Variants in NTNG1 observed in about 807,000 individuals in gnomAD.
NTNG1 encodes netrin-G1.
A neutral mutation model predicts 54.0 loss-of-function variants in NTNG1; 16 were observed. That is an observed-to-expected ratio of 0.30 (90% CI 0.20 to 0.45). The LOEUF (loss-of-function observed/expected upper bound fraction) is 0.45. Ranked by LOEUF, NTNG1 falls within the 20% of genes least tolerant of loss-of-function variation. The pLI is 1.00. For synonymous variants in NTNG1, 255 were observed against 263.1 expected (o/e 0.97, Z 0.30); for missense variants, 530 against 678.7 (o/e 0.78, Z 2.43).
At chr1:107,376,785 C>T (rs559749006) in intron 3 of NTNG1, among the ~76,000 whole-genome samples, 1 of 152,232 alleles carries the variant, frequency 6.6e-6, no homozygotes, top group South Asian at 2.1e-4. Context: ...TTCTTGGTCC[C>T]AGCTTCCAGT....
chr1:107,419,623 CAAAA>C (rs11370557), intron 5 of NTNG1, among the ~76,000 whole-genome samples: 2 of 139,338 alleles, frequency 1.4e-5, no homozygotes, highest in Admixed American at 7.2e-5. Flanking sequence ...CTTCCTTCTT[CAAAA>C]AAAAAAAAAA....
intron 2 of NTNG1, among the ~76,000 whole-genome samples, chr1:107,152,052 A>C (rs770199151): frequency 2.0e-5 from 3 of 151,726 alleles, no homozygotes; most frequent in Non-Finnish European, 4.4e-5. Context: ...ATACATACAT[A>C]TATACACATA....
intron 3 of NTNG1, among the ~76,000 whole-genome samples, chr1:107,377,470 C>G (rs1256376948): frequency 3.9e-5 from 6 of 152,200 alleles, no homozygotes; most frequent in African/African-American, 1.4e-4. Flanking sequence ...GCCAGACCTC[C>G]TGGCCCAGGA....
chr1:107,400,636 A>G (rs1672962450), intron 4 of NTNG1, among the ~76,000 whole-genome samples: 1 of 146,544 alleles, frequency 6.8e-6, no homozygotes, highest in Non-Finnish European at 1.5e-5. Flanking sequence ...GTCTTCATCA[A>G]CGTTTGTGGA....
chr1:107,369,358 G>A (rs913024957), intron 3 of NTNG1, among the ~76,000 whole-genome samples: 16 of 152,052 alleles, frequency 1.1e-4, no homozygotes, highest in Non-Finnish European at 1.5e-4. Flanking sequence ...CGTTACATTC[G>A]CACTCACAGT....
chr1:107,334,279 A>G (rs1356953535), intron 3 of NTNG1, among the ~76,000 whole-genome samples: 1 of 152,046 alleles, frequency 6.6e-6, no homozygotes, highest in Non-Finnish European at 1.5e-5. Context: ...GTAAAACTGA[A>G]CATTGTATAT....
At chr1:107,380,969 G>A (rs1460103171) in intron 3 of NTNG1, among the ~76,000 whole-genome samples, 3 of 152,066 alleles carry the variant, frequency 2.0e-5, no homozygotes, top group African/African-American at 7.2e-5. Flanking sequence ...TGAAACATCA[G>A]GTCCCTTTCA....
At chr1:107,239,341 A>G (rs1201049091) in intron 2 of NTNG1, among the ~76,000 whole-genome samples, 1 of 152,226 alleles carries the variant, frequency 6.6e-6, no homozygotes, top group Non-Finnish European at 1.5e-5. Context: ...CAGATCAAAG[A>G]CAAACAGTAG....
intron 2 of NTNG1, among the ~76,000 whole-genome samples, chr1:107,224,597 G>C (rs572687606): frequency 6.6e-6 from 1 of 152,182 alleles, no homozygotes; most frequent in Non-Finnish European, 1.5e-5. Context: ...AGCTTCTTTT[G>C]TGGTCAGACA....
intron 2 of NTNG1, among the ~76,000 whole-genome samples, chr1:107,225,052 T>C (rs1407855542): frequency 6.6e-6 from 1 of 152,194 alleles, no homozygotes; most frequent in Non-Finnish European, 1.5e-5. Context: ...TATTAGTGGT[T>C]ACTACTTCTC....
intron 3 of NTNG1, among the ~76,000 whole-genome samples, chr1:107,333,636 C>CCT (rs5776884): frequency 6.6e-6 from 1 of 151,814 alleles, no homozygotes; most frequent in Non-Finnish European, 1.5e-5. Flanking sequence ...ATGAAAACAT[C>CCT]GTGTGTGTGT....
intron 2 of NTNG1, among the ~76,000 whole-genome samples, chr1:107,305,346 C>T (rs1215877665): frequency 6.6e-6 from 1 of 152,194 alleles, no homozygotes; most frequent in African/African-American, 2.4e-5. Context: ...AATTTACACT[C>T]CCACCAACAG....
chr1:107,343,561 T>G (rs1570723658), intron 3 of NTNG1, among the ~76,000 whole-genome samples: 2 of 152,024 alleles, frequency 1.3e-5, no homozygotes. Context: ...AGTACCTGAT[T>G]TCAGATTGTG....
chr1:107,366,462 G>A (rs1038314062), intron 3 of NTNG1, among the ~76,000 whole-genome samples: 2 of 152,160 alleles, frequency 1.3e-5, no homozygotes, highest in African/African-American at 2.4e-5. Context: ...CTGGAAATTC[G>A]TAGCTAAAAT....
At chr1:107,231,764 T>C (rs149717925) in intron 2 of NTNG1, among the ~76,000 whole-genome samples, 3 of 152,282 alleles carry the variant, frequency 2.0e-5, no homozygotes, top group African/African-American at 7.2e-5. Context: ...GGCCTCTGTC[T>C]ACTTTAGCAT....
chr1:107,181,844 A>G (rs1038993938), intron 2 of NTNG1, among the ~76,000 whole-genome samples: 2 of 152,058 alleles, frequency 1.3e-5, no homozygotes, highest in African/African-American at 4.8e-5. Flanking sequence ...CTGCAGACTG[A>G]TTTACTATAT....
At chr1:107,289,966 A>T (rs1032328641) in intron 2 of NTNG1, among the ~76,000 whole-genome samples, 2 of 152,220 alleles carry the variant, frequency 1.3e-5, no homozygotes, top group African/African-American at 2.4e-5. Context: ...ATTTTCAAAT[A>T]TGTTTCCACT....
intron 1 of NTNG1, among the ~76,000 whole-genome samples, chr1:107,145,299 T>C (rs930122551): frequency 1.3e-4 from 20 of 152,198 alleles, no homozygotes; most frequent in Admixed American, 1.2e-3. Flanking sequence ...TTCCTGATTT[T>C]CAGAGGCTGC....
intron 5 of NTNG1, among the ~76,000 whole-genome samples, chr1:107,429,688 C>CT (rs1341059377): frequency 6.6e-6 from 1 of 152,106 alleles, no homozygotes; most frequent in African/African-American, 2.4e-5. Context: ...TATAAATGTC[C>CT]AACTAGGCCT....
Sources: allele counts gnomAD v4.1 joint callset (sites outside exome capture counted in the v4.1 genomes callset), GRCh38; gene constraint gnomAD v4.1.1; transcripts MANE v1.5; gene names NCBI Gene and HGNC (gene_info 2026-07-23, HGNC 2026-07-21).